PXT1: variants seen among roughly 807,000 people sequenced by gnomAD.
PXT1 encodes peroxisomal testis-specific protein 1.
PXT1 carries 11 observed loss-of-function variants against 11.0 expected under a neutral mutation model. That is an observed-to-expected ratio of 1.00 (90% confidence interval 0.63 to 1.66). The LOEUF is 1.66. Ranked by LOEUF, PXT1 falls within the 40% of genes most tolerant of loss-of-function variation. The pLI is 0.00. For missense variants in PXT1, 141 were observed against 155.5 expected (o/e 0.91, Z 0.49); for synonymous variants, 43 against 51.4 (o/e 0.84, Z 0.70).
chr6:36,409,489 C>T (rs73408881), intron 3 of PXT1, among the ~76,000 whole-genome samples: 502 of 152,108 alleles, frequency 3.3e-3, no homozygotes, highest in African/African-American at 0.011. Context: ...GTGCCCCCAG[C>T]TCACTGTACC....
At chr6:36,428,415 T>TAAAAAAAAAAAAA (rs1582269827) in intron 2 of PXT1, among the ~76,000 whole-genome samples, 1 of 55,216 alleles carries the variant, frequency 1.8e-5, no homozygotes, top group African/African-American at 1.4e-4. Context: ...AGAGCGAGAC[T>TAAAAAAAAAAAAA]GAAAAAAAAG....
At chr6:36,416,330 C>T (rs1012543625) in intron 3 of PXT1, among the ~76,000 whole-genome samples, 3 of 152,084 alleles carry the variant, frequency 2.0e-5, no homozygotes, top group Admixed American at 6.5e-5. Context: ...GCCTGGGCAA[C>T]AGACAAAGAC....
intron 2 of PXT1, among the ~76,000 whole-genome samples, chr6:36,426,783 C>T (rs543335096): frequency 5.3e-5 from 8 of 152,084 alleles, no homozygotes; most frequent in South Asian, 2.1e-4. Context: ...CCTAGAGAGG[C>T]GGAGAGGGGT....
At chr6:36,427,773 G>A (rs1288266654) in intron 2 of PXT1, among the ~76,000 whole-genome samples, 2 of 151,982 alleles carry the variant, frequency 1.3e-5, no homozygotes, top group Non-Finnish European at 2.9e-5. Flanking sequence ...TTCAGACTAG[G>A]CATATTTTGG....
At chr6:36,401,672 A>G (rs1424959638) in intron 3 of PXT1, among the ~76,000 whole-genome samples, 1 of 151,694 alleles carries the variant, frequency 6.6e-6, no homozygotes, top group African/African-American at 2.4e-5. Context: ...CATACTTAAA[A>G]GGGCTCTAAC....
chr6:36,400,276 G>A (rs1482420022), intron 4 of PXT1, among the ~76,000 whole-genome samples, 178 bp downstream of exon 4: 1 of 152,196 alleles, frequency 6.6e-6, no homozygotes, highest in Non-Finnish European at 1.5e-5. Flanking sequence ...GCAAGTATGA[G>A]ATTAAATGCC....
At chr6:36,426,613 G>A (rs545691782) in intron 2 of PXT1, among the ~76,000 whole-genome samples, 11 of 152,008 alleles carry the variant, frequency 7.2e-5, no homozygotes, top group Middle Eastern at 6.8e-3. Context: ...CAGGTGATCC[G>A]CCTGCCTCAG....
intron 2 of PXT1, among the ~76,000 whole-genome samples, chr6:36,436,203 C>A (rs76940131): frequency 0.014 from 2,067 of 150,026 alleles, 44 homozygotes; most frequent in African/African-American, 0.046. Context: ...GGGCCAAATC[C>A]TGCAGGGCTT....
chr6:36,428,316 G>A lies in PXT1; in HGVS notation c.-9-2225C>T, dbSNP rs530108954. Among the ~76,000 whole-genome samples the A allele has an allele frequency of 2.4e-3, 363 of 151,064 alleles. 1 individual carries two copies. The highest frequency in any genetic ancestry group is 8.1e-3 in the African/African-American group (331 of 41,060). On this transcript the variant is annotated intron_variant, in intron 2 of 4. Coordinates refer to ENST00000454782, the MANE Select transcript of PXT1 (RefSeq NM_152990.4). ...AAAAATTAGCCAGGCGTGATGGCAC[G>A]CACCTGTAGTCCCAGCTACTCGGGA...
intron 3 of PXT1, among the ~76,000 whole-genome samples, chr6:36,411,369 T>C (rs1483065533): frequency 6.6e-6 from 1 of 152,174 alleles, no homozygotes; most frequent in Non-Finnish European, 1.5e-5. Context: ...GAGAATCGCT[T>C]GAACCCAGGA....
chr6:36,399,285 AC>A (rs1036797839), intron 4 of PXT1, among the ~76,000 whole-genome samples: 1 of 152,100 alleles, frequency 6.6e-6, no homozygotes, highest in Non-Finnish European at 1.5e-5. Context: ...AGCTGGGACT[AC>A]AGGTGTGTGC....
At chr6:36,407,019 G>A (rs904678290) in intron 3 of PXT1, among the ~76,000 whole-genome samples, 1 of 152,102 alleles carries the variant, frequency 6.6e-6, no homozygotes, top group African/African-American at 2.4e-5. Context: ...CAGAGCTGTC[G>A]AATGTACATA....
At chr6:36,399,201 A>C (rs1484052825) in intron 4 of PXT1, among the ~76,000 whole-genome samples, 1 of 151,910 alleles carries the variant, frequency 6.6e-6, no homozygotes. Flanking sequence ...ACTGGAGTAC[A>C]GTGGCATAAT....
intron 2 of PXT1, among the ~76,000 whole-genome samples, chr6:36,435,674 T>C (rs949130382): frequency 1.3e-5 from 2 of 151,868 alleles, no homozygotes; most frequent in Admixed American, 6.6e-5. Flanking sequence ...CCTAAACCAA[T>C]ATACACACAC....
At chr6:36,412,339 G>C (rs1296141461) in intron 3 of PXT1, among the ~76,000 whole-genome samples, 3 of 148,630 alleles carry the variant, frequency 2.0e-5, no homozygotes, top group African/African-American at 7.5e-5. Flanking sequence ...GTGACAGAGT[G>C]AGACTCTGTC....
intron 3 of PXT1, among the ~76,000 whole-genome samples, chr6:36,425,417 CAA>C (rs1774588166): frequency 1.3e-5 from 2 of 152,116 alleles, no homozygotes; most frequent in Non-Finnish European, 2.9e-5. Flanking sequence ...TACCATGAAG[CAA>C]AGTCACTTTT....
chr6:36,428,485 T>C (rs1425055447), intron 2 of PXT1, among the ~76,000 whole-genome samples: 4 of 151,864 alleles, frequency 2.6e-5, no homozygotes, highest in Admixed American at 2.6e-4. Context: ...GCGAGTTTCT[T>C]ACCTGAAAGA....
chr6:36,418,906 G>T (rs954296412), intron 3 of PXT1, among the ~76,000 whole-genome samples: 3 of 152,214 alleles, frequency 2.0e-5, no homozygotes, highest in African/African-American at 2.4e-5. Context: ...AGAGTGGCAG[G>T]GGGGAGATAG....
intron 3 of PXT1, among the ~76,000 whole-genome samples, chr6:36,415,307 G>A (rs1253703147): frequency 6.6e-6 from 1 of 152,136 alleles, no homozygotes; most frequent in Non-Finnish European, 1.5e-5. Context: ...GCCAGACATG[G>A]TGGCGCGTGC....
Sources: allele counts gnomAD v4.1 joint callset (sites outside exome capture counted in the v4.1 genomes callset), GRCh38; gene constraint gnomAD v4.1.1; transcripts MANE v1.5; gene names NCBI Gene and HGNC (gene_info 2026-07-23, HGNC 2026-07-21).